Variants in NBEAL2 observed in about 807,000 individuals in gnomAD.
NBEAL2 encodes neurobeachin-like protein 2.
NBEAL2 carries 160 observed loss-of-function variants against 299.8 expected under a neutral mutation model. The observed-to-expected ratio is 0.53, with a 90% CI of 0.47 to 0.61. NBEAL2 has a LOEUF of 0.61. NBEAL2 is among the 20% of genes least tolerant of loss of function. The pLI, the probability that NBEAL2 is intolerant of heterozygous loss-of-function variation, is 0.00. For missense variants in NBEAL2, 3,112 were observed against 3,649.0 expected, an observed-to-expected ratio of 0.85 and a Z score of 3.79; for synonymous variants, 1,493 against 1,542.3, an observed-to-expected ratio of 0.97 and a Z score of 0.75.
At position 46,991,708 on chromosome 3, in the gene NBEAL2, C is replaced by T; in HGVS notation, c.925+20C>T. 6.3e-7 allele frequency: 1 copy of T among 1,587,732 alleles called. No individual in the cohort carries two copies. The highest frequency in any genetic ancestry group is 1.1e-5 in the South Asian group (1 of 89,262). ...TGCTCGGTGGGTATGGGCTCCCAGG[C>T]TCTTGGGGAAGGGGCACCATGAGGG... On this transcript the variant is annotated intron_variant, in intron 8 of 53. Transcript: ENST00000450053. The surrounding 1 kb of genome is among the most constrained non-coding windows in gnomAD (Gnocchi z 6.2).
In NBEAL2 at chr3:46,994,540, A is replaced by T; in HGVS notation, c.1283A>T (p.Glu428Val). 6 of 1,582,508 alleles carry T rather than the reference A, an allele frequency of 3.8e-6. No individual in the cohort carries two copies. Among genetic ancestry groups the T allele is most frequent in the East Asian group, 2.3e-5 (1 of 43,660 alleles). The stretch of plus-strand genomic sequence containing the variant: ...CCCCCCACCCATCGGCTGTTGCAAG[A>T]GCTGCTCAACATGGTGAGGGAAGGG... ...HGPPTHRLLQ[E>V]LLNMAVEGDH... Residue 428 changes from glutamate (E) to valine (V), a missense_variant, in exon 12 of 54, where the codon GAG (glutamate) becomes GTG (valine). Physicochemically the swap from Glu to Val is moderately radical, Grantham distance 121 (BLOSUM62 -2). This residue lies in a region of NBEAL2 where 2,243 missense variants were observed against 2,538.1 expected (regional missense o/e 0.88). Transcript: ENST00000450053.
In NBEAL2 at chr3:46,996,742, A is replaced by C; in HGVS notation, c.2474-9A>C. 6.2e-7 allele frequency: 1 copy of C among 1,610,456 alleles called. No homozygotes were observed. The highest frequency in any genetic ancestry group is 1.1e-5 in the South Asian group (1 of 90,860). On this transcript the variant is annotated splice_polypyrimidine_tract_variant and intron_variant, in intron 16 of 53. Coordinates refer to ENST00000450053, the MANE Select transcript of NBEAL2 (RefSeq NM_015175.3). ...TAGCAAGGTCTGAAGCCCCCTGCCC[A>C]CCTCCCAGGGCCCAATGAGACGGCA...
Position 47,000,958 on chromosome 3 carries a change from G to A in NBEAL2, c.4306-43G>A. On this transcript the variant is annotated intron_variant, in intron 27 of 53. Coordinates refer to ENST00000450053, the MANE Select transcript of NBEAL2 (RefSeq NM_015175.3). This position sits in a 1 kb window ranked among gnomAD's most constrained non-coding sequence, Gnocchi z 4.5. The stretch of plus-strand genomic sequence containing the variant: ...GGCGTCAGCCTGATTCCCTCCCTTA[G>A]CCGCCCACAACCCACGCCCACACCA... The A allele has an allele frequency of 1.3e-6, 2 of 1,557,360 alleles. No homozygotes were observed. Among genetic ancestry groups the A allele is most frequent in the Non-Finnish European group, 1.7e-6 (2 of 1,150,628 alleles).
rs762648288 is a variant in NBEAL2, at chr3:47,000,018, C to T, written c.3919C>T (p.Pro1307Ser). ...ATAGSPPPSS[P>S]ESPTSPKPAP... ...AGCCGGCAGCCCCCCTCCGTCTTCC[C>T]CAGAGTCACCTACCTCCCCCAAGCC... Residue 1307 changes from proline to serine, a missense_variant, in exon 27 of 54, where the codon CCA becomes TCA. By Grantham distance (74) the Pro-to-Ser change is moderately conservative (BLOSUM62 -1). This residue lies in a region of NBEAL2 where 2,243 missense variants were observed against 2,538.1 expected (regional missense o/e 0.88). Transcript: ENST00000450053. The surrounding 1 kb of genome is among the most constrained non-coding windows in gnomAD (Gnocchi z 4.5). The T allele has an allele frequency of 1.2e-6, 2 of 1,612,766 alleles. No homozygotes were observed. Among genetic ancestry groups the T allele is most frequent in the Non-Finnish European group, 1.7e-6 (2 of 1,179,850 alleles).
Position 46,999,452 on chromosome 3 carries a change from C to G in NBEAL2, c.3681C>G (p.Leu1227=). The G allele has an allele frequency of 1.3e-6, 2 of 1,581,342 alleles. No homozygotes were observed. The highest frequency in any genetic ancestry group is 2.3e-5 in the East Asian group (1 of 42,888). ...TTTCCCCCCAGCTCTGCCAGGGCCT[C>G]TACAAGCTGTTCCTGGGGGCAGGTA... The part of the protein sequence containing the change: ...GTVSPQLCQG[L]YKLFLGADCL... Residue 1227 remains leucine, a synonymous_variant, in exon 25 of 54, where the codon CTC becomes CTG. Transcript: ENST00000450053.
chr3:47,005,561 T>C lies in NBEAL2; in HGVS notation c.6633T>C (p.Asp2211=), dbSNP rs1285539857. The change falls in exon 41 of 54, where the codon GAT becomes GAC. Residue 2211 remains aspartate, a synonymous_variant. Transcript: ENST00000450053. The stretch of plus-strand genomic sequence containing the variant: ...AGGCACGCCTGGAGAGCCCTGCCGA[T>C]GTGAAGGAGCTCATCCCGGAATTCT... ...AWQARLESPA[D]VKELIPEFFY... is the part of the protein sequence containing the mutation. 1 of 1,612,786 alleles carries C rather than the reference T, an allele frequency of 6.2e-7. No individual in the cohort carries two copies. The highest frequency in any genetic ancestry group is 8.5e-7 in the Non-Finnish European group (1 of 1,179,510).
chr3:46,982,411 T>G lies in NBEAL2; in HGVS notation c.51+2499T>G, dbSNP rs1361098693. Among the ~76,000 whole-genome samples the G allele has an allele frequency of 6.6e-6, 1 of 152,120 alleles. No individual in the cohort carries two copies. Among genetic ancestry groups the G allele is most frequent in the Non-Finnish European group, 1.5e-5 (1 of 68,014 alleles). ...AACTCCTTCCTGCCCTTCCTCTTCC[T>G]TAAAGACCCCAGGTTTAGACCCACC... On this transcript the variant is annotated intron_variant, in intron 1 of 53. Coordinates refer to ENST00000450053, the MANE Select transcript of NBEAL2 (RefSeq NM_015175.3). The surrounding 1 kb of genome is among the most constrained non-coding windows in gnomAD (Gnocchi z 4.2).
In NBEAL2 at chr3:46,999,133, C is replaced by T. The variant is rs1231296994; in HGVS notation, c.3543+16C>T. ...AGTCTGCAAGGTACACCCAGCCCACCCCCTCCCCTGGCATCCCATTCACTG... is the reference window on the plus strand; with the variant it reads ...AGTCTGCAAGGTACACCCAGCCCACTCCCTCCCCTGGCATCCCATTCACTG... On this transcript the variant is annotated intron_variant, in intron 24 of 53. Coordinates refer to ENST00000450053, the MANE Select transcript of NBEAL2 (RefSeq NM_015175.3). 3.2e-6 allele frequency: 5 copies of T among 1,557,860 alleles called. No individual in the cohort carries two copies. Among genetic ancestry groups the T allele is most frequent in the South Asian group, 2.4e-5 (2 of 85,066 alleles).
In NBEAL2 at chr3:47,005,820, C is replaced by G; in HGVS notation, c.6774C>G (p.Asp2258Glu). The G allele has an allele frequency of 6.2e-7, 1 of 1,613,384 alleles. No homozygotes were observed. The highest frequency in any genetic ancestry group is 1.3e-5 in the African/African-American group (1 of 75,028). The change falls in exon 42 of 54, where the codon GAC becomes GAG. Residue 2258 changes from aspartate to glutamate, a missense_variant. Physicochemically the swap from Asp to Glu is conservative, Grantham distance 45. This residue lies in a region of NBEAL2 where 521 missense variants were observed against 729.6 expected (regional missense o/e 0.71). Coordinates refer to ENST00000450053, the MANE Select transcript of NBEAL2 (RefSeq NM_015175.3). Reference protein sequence around the residue: ...VLPPWASSPEDFIQQHRQALE... With the variant: ...VLPPWASSPEEFIQQHRQALE... ...CCCCGTGGGCCAGCTCTCCTGAGGA[C>G]TTCATCCAGCAGCACCGCCAGGCTC...
At chr3:46,994,841 G>A (rs2036363745) in intron 12 of NBEAL2, among the ~76,000 whole-genome samples, 191 bp from the exon 13 acceptor site, 1 of 152,202 alleles carries the variant, frequency 6.6e-6, no homozygotes, top group South Asian at 2.1e-4. Flanking sequence ...TAACAATGCT[G>A]AAGGACTCTT....
rs1235848871 is a variant in NBEAL2 at position 47,007,059 on chromosome 3, C to T, written c.7135-7C>T. On this transcript the variant is annotated splice_polypyrimidine_tract_variant and splice_region_variant and intron_variant, in intron 45 of 53. Coordinates refer to ENST00000450053, the MANE Select transcript of NBEAL2 (RefSeq NM_015175.3). ...AGGCATAGCTAGGCCTGCCCTTGCC[C>T]CTGCAGGTTGTCAGTGATGGTGTAC... 6.2e-7 allele frequency: 1 copy of T among 1,607,774 alleles called. No individual in the cohort carries two copies. Among genetic ancestry groups the T allele is most frequent in the African/African-American group, 1.3e-5 (1 of 74,968 alleles).
Position 47,005,126 on chromosome 3 carries a change from G to A in NBEAL2, c.6419+30G>A, listed in dbSNP as rs184407178. On this transcript the variant is annotated intron_variant, in intron 39 of 53. Coordinates refer to ENST00000450053, the MANE Select transcript of NBEAL2 (RefSeq NM_015175.3). ...GCATGTGGGCAGGGCTGGGCTCAGC[G>A]GGTAGGGAAAGGCGAGGGGAGGGCT... 2.0e-3 allele frequency: 3,207 copies of A among 1,613,864 alleles called. 22 individuals carry two copies. The highest frequency in any genetic ancestry group is 1.6e-3 in the Non-Finnish European group (1,830 of 1,179,888).
In NBEAL2 at chr3:47,002,826, C is replaced by T. The variant is rs966449848; in HGVS notation, c.5459+24C>T. 1.1e-5 allele frequency: 11 copies of T among 981,762 alleles called. No homozygotes were observed. The East Asian group carries it at 4.3e-4, about 39-fold the overall frequency. 60.8% of individuals were successfully genotyped at this position (981,762 alleles called of 1,614,324 possible). ...AGGTGGGCCGGGCTTGGGGCAGGGT[C>T]GCTGTGGAGGGGTGGGGCTTGGGAG... On this transcript the variant is annotated intron_variant, in intron 33 of 53. Coordinates refer to ENST00000450053, the MANE Select transcript of NBEAL2 (RefSeq NM_015175.3).
rs1305365554 is a variant in NBEAL2 at position 47,002,474 on chromosome 3, G to A, written c.5255G>A (p.Gly1752Glu). The A allele has an allele frequency of 6.2e-7, 1 of 1,613,112 alleles. No individual in the cohort carries two copies. The highest frequency in any genetic ancestry group is 1.1e-5 in the South Asian group (1 of 91,078). Reference protein sequence around the residue: ...NACYDMLMSSGQRRQWERAQS... With the variant: ...NACYDMLMSSEQRRQWERAQS... ...TGCTATGACATGCTTATGAGCAGTG[G>A]GCAGCGGCGCCAGTGGGAGCGCGCC... The change falls in exon 32 of 54, where the codon GGG becomes GAG. Residue 1752 changes from glycine to glutamate, a missense_variant. Physicochemically the swap from Gly to Glu is moderately conservative, Grantham distance 98. Coordinates refer to ENST00000450053, the MANE Select transcript of NBEAL2 (RefSeq NM_015175.3).
Position 46,989,254 on chromosome 3 carries a change from C to G in NBEAL2, c.352-6C>G. ...CGGGGCTAACCCTCTCTCCCCACAC[C>G]TACAGCTGAAAGGATGCCCACCACC... On this transcript the variant is annotated splice_region_variant and splice_polypyrimidine_tract_variant and intron_variant, in intron 4 of 53. Transcript: ENST00000450053. The surrounding 1 kb of genome is among the most constrained non-coding windows in gnomAD (Gnocchi z 5.5). 1 of 1,612,240 alleles carries G rather than the reference C, an allele frequency of 6.2e-7. No individual in the cohort carries two copies. The highest frequency in any genetic ancestry group is 1.1e-5 in the South Asian group (1 of 90,752).
At chr3:46,999,525 G>A in intron 25 of NBEAL2, 51 bp downstream of exon 25, 2 of 1,584,146 alleles carry the variant, frequency 1.3e-6, no homozygotes, top group Non-Finnish European at 1.7e-6. Flanking sequence ...AGAAAAACAG[G>A]GCAGGCAGGC....
intron 39 of NBEAL2, 41 bp from the exon 40 acceptor site, chr3:47,005,140 G>A (rs1007622186): frequency 1.9e-5 from 30 of 1,613,824 alleles, no homozygotes; most frequent in South Asian, 5.5e-5. Flanking sequence ...AGGGAAAGGC[G>A]AGGGGAGGGC....
At position 46,979,838 on chromosome 3, in the gene NBEAL2, G is replaced by A. The variant is rs2035178519; in HGVS notation, c.-24G>A. The A allele has an allele frequency of 4.7e-6, 2 of 428,016 alleles. No homozygotes were observed. The highest frequency in any genetic ancestry group is 5.6e-5 in the South Asian group (1 of 17,738). 26.5% of individuals were successfully genotyped at this position (428,016 alleles called of 1,614,324 possible). On this transcript the variant is annotated 5_prime_UTR_variant, in exon 1 of 54. Coordinates refer to ENST00000450053, the MANE Select transcript of NBEAL2 (RefSeq NM_015175.3). ...AGGAGGCGGCGACAGGTGGCGCGCA[G>A]CAGGGCCGGAGCCGGGCCGGGCCAT...
chr3:46,991,600 C>T lies in NBEAL2; in HGVS notation c.837C>T (p.Ser279=). Residue 279 remains serine, a synonymous_variant, in exon 8 of 54, where the codon AGC becomes AGT. Transcript: ENST00000450053. This position sits in a 1 kb window ranked among gnomAD's most constrained non-coding sequence, Gnocchi z 6.2. ...RGPELRALLE[S]YFHVLNADWP... ...CAGAGCTTCGTGCCCTGCTTGAGAG[C>T]TACTTCCATGTCCTTAATGCTGACT... 6.2e-7 allele frequency: 1 copy of T among 1,600,976 alleles called. No individual in the cohort carries two copies. The highest frequency in any genetic ancestry group is 8.5e-7 in the Non-Finnish European group (1 of 1,179,818).
Sources: allele counts gnomAD v4.1 joint callset (sites outside exome capture counted in the v4.1 genomes callset), GRCh38; gene constraint gnomAD v4.1.1; regional missense constraint gnomAD v4.1.1; non-coding constraint Gnocchi (gnomAD v3.1); transcripts MANE v1.5; gene names NCBI Gene and HGNC (gene_info 2026-07-23, HGNC 2026-07-21).